The following KCNG3 variants were observed in gnomAD, a reference collection of about 807,000 sequenced individuals.
KCNG3 encodes the protein voltage-gated potassium channel regulatory subunit KCNG3.
KCNG3 carries 15 observed loss-of-function variants against 29.0 expected under a neutral mutation model. The ratio of observed to expected loss-of-function variants is 0.52; its 90% CI spans 0.35 to 0.80. KCNG3 has a LOEUF of 0.80. Ranked by LOEUF, KCNG3 falls within the 30% of genes least tolerant of loss-of-function variation. The pLI is 0.01. For missense variants in KCNG3, 512 were observed against 605.7 expected (o/e 0.85, Z 1.62); for synonymous variants, 322 against 248.9 (o/e 1.29, Z -2.76).
intron 1 of KCNG3, among the ~76,000 whole-genome samples, chr2:42,455,625 G>A (rs989474341): frequency 3.9e-5 from 6 of 152,014 alleles, no homozygotes; most frequent in African/African-American, 1.4e-4. Flanking sequence ...CAAAAAATTA[G>A]CCAGTGTGGG....
At chr2:42,429,987 A>C in the KCNG3 span, among the ~76,000 whole-genome samples, 1 of 152,196 alleles carries the variant, frequency 6.6e-6, no homozygotes, top group Non-Finnish European at 1.5e-5. Context: ...TCCTGTAACT[A>C]ATGAGTCTAT....
the KCNG3 span, among the ~76,000 whole-genome samples, chr2:42,423,139 C>A: frequency 6.6e-6 from 1 of 152,186 alleles, no homozygotes; most frequent in Non-Finnish European, 1.5e-5. Flanking sequence ...ACTTCCCAGG[C>A]TCCTCCAATC....
intron 1 of KCNG3, chr2:42,470,241 C>T (rs1018938284): frequency 2.4e-6 from 1 of 420,152 alleles, no homozygotes; most frequent in Non-Finnish European, 4.6e-6. Flanking sequence ...TATGAGTCAT[C>T]TACAGCCTCT....
In KCNG3 at chr2:42,444,858, TC is replaced by T. The variant is rs1257630985; in HGVS notation, c.666-280del. Among the ~76,000 whole-genome samples, 3 of 150,350 alleles carry T rather than the reference TC, an allele frequency of 2.0e-5. No individual in the cohort carries two copies. The highest frequency in any genetic ancestry group is 7.4e-5 in the African/African-American group (3 of 40,750). ...GGGTGAATCGCTTGAGCCCAGGAGT[TC>T]GAGACCAACCTGGGCACCACAGCAA... is the stretch of plus-strand genomic sequence containing the variant. On this transcript the variant is annotated intron_variant, in intron 1 of 1. Coordinates refer to ENST00000306078, the MANE Select transcript of KCNG3 (RefSeq NM_133329.6). This position sits in a 1 kb window ranked among gnomAD's most constrained non-coding sequence, Gnocchi z 5.8.
chr2:42,463,506 C>T (rs758276700), intron 1 of KCNG3: 7 of 169,854 alleles, frequency 4.1e-5, no homozygotes, highest in Non-Finnish European at 8.9e-5. Flanking sequence ...GAGTAAAGTC[C>T]CTCTGCTTCT....
Position 42,493,021 on chromosome 2 carries a change from A to C in KCNG3, c.481T>G (p.Phe161Val), listed in dbSNP as rs1390655879. The C allele has an allele frequency of 1.3e-6, 2 of 1,522,876 alleles. No individual in the cohort carries two copies. Among genetic ancestry groups the C allele is most frequent in the African/African-American group, 1.4e-5 (1 of 70,300 alleles). The allele number at this position is 1,522,876 out of a possible 1,614,324, so 94.3% of individuals were successfully genotyped here. The change falls in exon 1 of 2, where the codon TTC becomes GTC. Residue 161 changes from phenylalanine to valine, a missense_variant. This residue lies in a region of KCNG3 where 228 missense variants were observed against 200.0 expected (regional missense o/e 1.14). Transcript: ENST00000306078. Reference protein sequence around the residue: ...RRWLERMRRTFEEPTSSLAAQ... With the variant: ...RRWLERMRRTVEEPTSSLAAQ... ...GCCAGCGACGACGTGGGCTCCTCGA[A>C]GGTCCGCCGCATGCGCTCCAGCCAG...
intron 1 of KCNG3, among the ~76,000 whole-genome samples, chr2:42,453,999 G>A (rs1376664306): frequency 1.3e-5 from 2 of 151,068 alleles, no homozygotes; most frequent in Non-Finnish European, 2.9e-5. Flanking sequence ...TTTCTCCAAA[G>A]TTAATAAGGC....
At chr2:42,423,796 G>C in the KCNG3 span, among the ~76,000 whole-genome samples, 1 of 142,078 alleles carries the variant, frequency 7.0e-6, no homozygotes, top group Non-Finnish European at 1.5e-5. Context: ...TCGGAAATGA[G>C]GTGAAAGGAA....
chr2:42,445,522 G>A (rs1290482572), intron 1 of KCNG3, among the ~76,000 whole-genome samples: 6 of 152,128 alleles, frequency 3.9e-5, no homozygotes, highest in Admixed American at 1.3e-4. Context: ...CAGCAGAAAC[G>A]AGGCCGAGGA....
chr2:42,425,974 G>A, the KCNG3 span, among the ~76,000 whole-genome samples: 2 of 152,244 alleles, frequency 1.3e-5, no homozygotes, highest in East Asian at 1.9e-4. Context: ...AGTATCAGCT[G>A]TAGGTGGTTC....
chr2:42,436,876 C>T, the KCNG3 span, among the ~76,000 whole-genome samples: 1 of 152,112 alleles, frequency 6.6e-6, no homozygotes, highest in African/African-American at 2.4e-5. Flanking sequence ...GACCCTTATA[C>T]AAGAATGCCC....
At chr2:42,419,921 T>A in the KCNG3 span, among the ~76,000 whole-genome samples, 1 of 152,090 alleles carries the variant, frequency 6.6e-6, no homozygotes, top group Non-Finnish European at 1.5e-5. Context: ...ATCTGCATAA[T>A]CTACATAAAA....
the KCNG3 span, among the ~76,000 whole-genome samples, chr2:42,425,255 G>T: frequency 6.6e-6 from 1 of 150,988 alleles, no homozygotes. Flanking sequence ...AAAAAAATTA[G>T]CGGGGCGTGG....
At chr2:42,477,987 G>C (rs1673481990) in intron 1 of KCNG3, among the ~76,000 whole-genome samples, 1 of 152,048 alleles carries the variant, frequency 6.6e-6, no homozygotes, top group Non-Finnish European at 1.5e-5. Flanking sequence ...TGAGAGGAGT[G>C]TTTTTCGTTT....
chr2:42,475,930 G>A (rs1673413029), intron 1 of KCNG3, among the ~76,000 whole-genome samples: 1 of 151,990 alleles, frequency 6.6e-6, no homozygotes, highest in Non-Finnish European at 1.5e-5. Flanking sequence ...GCCAGGAGTG[G>A]TGGCACATGC....
At chr2:42,477,233 T>A (rs1572860370) in intron 1 of KCNG3, among the ~76,000 whole-genome samples, 1 of 146,634 alleles carries the variant, frequency 6.8e-6, no homozygotes, top group Non-Finnish European at 1.5e-5. Context: ...TAAAAAAAAA[T>A]ACTTAGATCA....
At position 42,493,467 on chromosome 2, in the gene KCNG3, A is replaced by G; in HGVS notation, c.35T>C (p.Val12Ala). ...ATACCGGGCGCCGCCCACGTTCAGC[A>G]CCACCGAGGCCGCCCCGCTGCGCCC... ...TFGRSGAASV[V>A]LNVGGARYSL... The change falls in exon 1 of 2, where the codon GTG (valine) becomes GCG (alanine). Residue 12 changes from valine to alanine, a missense_variant. Physicochemically the swap from Val to Ala is moderately conservative, Grantham distance 64. Coordinates refer to ENST00000306078, the MANE Select transcript of KCNG3 (RefSeq NM_133329.6). 6.9e-7 allele frequency: 1 copy of G among 1,446,720 alleles called. No homozygotes were observed. The highest frequency in any genetic ancestry group is 9.0e-7 in the Non-Finnish European group (1 of 1,108,392). 89.6% of individuals were successfully genotyped at this position (1,446,720 alleles called of 1,614,324 possible).
chr2:42,444,541 T>C lies in KCNG3; in HGVS notation c.704A>G (p.Glu235Gly). Residue 235 changes from glutamate to glycine, a missense_variant, in exon 2 of 2, where the codon GAG becomes GGG. This residue lies in a region of KCNG3 where 173 missense variants were observed against 262.4 expected (regional missense o/e 0.66). Transcript: ENST00000306078. This position sits in a 1 kb window ranked among gnomAD's most constrained non-coding sequence, Gnocchi z 5.8. The part of the protein sequence containing the change: ...EAICIGWFTA[E>G]CIVRFIVSKN... ...GGAGACAATGAACCTCACGATGCAC[T>C]CGGCAGTGAACCAACCTATGCAGAT... is the stretch of plus-strand genomic sequence containing the variant. The C allele has an allele frequency of 6.2e-7, 1 of 1,614,064 alleles. No homozygotes were observed. Among genetic ancestry groups the C allele is most frequent in the Non-Finnish European group, 8.5e-7 (1 of 1,179,952 alleles).
chr2:42,428,677 C>G, the KCNG3 span, among the ~76,000 whole-genome samples: 1 of 152,130 alleles, frequency 6.6e-6, no homozygotes, highest in East Asian at 1.9e-4. Context: ...AAGGGGGATT[C>G]AAAAAGACTA....
Sources: gnomAD v4.1 joint callset for allele counts (sites outside exome capture counted in the v4.1 genomes callset) on GRCh38, gnomAD v4.1.1 for gene constraint, gnomAD v4.1.1 regional missense constraint, Gnocchi (gnomAD v3.1) non-coding constraint, MANE v1.5 for transcripts, NCBI Gene and HGNC (gene_info 2026-07-23, HGNC 2026-07-21) for gene names.